Variants in RNF141 observed in about 807,000 individuals in gnomAD.
RNF141 encodes the protein C3HC4-like zinc finger protein.
Under a neutral mutation model 27.4 loss-of-function variants are expected in RNF141, and 18 were observed. The observed-to-expected ratio is 0.66, with a 90% CI of 0.45 to 0.97. The LOEUF (loss-of-function observed/expected upper bound fraction) is 0.97, where lower values mean the gene tolerates loss of function less well. RNF141 is among the 50% of genes least tolerant of loss of function. The probability of loss-of-function intolerance (pLI) is 0.00; values close to 1 mark genes in which losing one functional copy is unlikely to be tolerated. For missense variants in RNF141, 230 were observed against 279.4 expected (o/e 0.82, Z 1.26); for synonymous variants, 97 against 96.6 (o/e 1.00, Z -0.02).
rs757700012 is a variant in RNF141 at position 10,514,867 on chromosome 11, G to A, written c.*49C>T. On this transcript the variant is annotated 3_prime_UTR_variant, in exon 6 of 6. Coordinates refer to ENST00000265981, the MANE Select transcript of RNF141 (RefSeq NM_016422.4). ...CCACAACCCTACATTCTTCCCCCATGACCAAATATTTGAGCCCACAATAGC... is the reference window on the plus strand; with the variant it reads ...CCACAACCCTACATTCTTCCCCCATAACCAAATATTTGAGCCCACAATAGC... 1.3e-6 allele frequency: 2 copies of A among 1,552,768 alleles called. No individual in the cohort carries two copies. The highest frequency in any genetic ancestry group is 2.5e-5 in the South Asian group (2 of 81,002).
Position 10,537,781 on chromosome 11 carries a change from AG to A in RNF141, c.-48+3340del, listed in dbSNP as rs777947770. Among the ~76,000 whole-genome samples, 4 of 152,354 alleles carry A rather than the reference AG, an allele frequency of 2.6e-5. No individual in the cohort carries two copies. The East Asian group carries it at 7.7e-4, about 29-fold the overall frequency. ...GGGCTGGGCCAGTTAATCACAGAAA[AG>A]TGACTAGGAAGATAAGGGTTACTTT... is the stretch of plus-strand genomic sequence containing the variant. On this transcript the variant is annotated intron_variant, in intron 1 of 5. Coordinates refer to ENST00000265981, the MANE Select transcript of RNF141 (RefSeq NM_016422.4).
chr11:10,515,634 T>C (rs1849837387), intron 5 of RNF141: 1 of 152,224 alleles, frequency 6.6e-6, no homozygotes, highest in Non-Finnish European at 1.5e-5. Flanking sequence ...TATTCGTGAT[T>C]ATTTAAATGG....
rs377748773 is a variant in RNF141, at chr11:10,519,145, C to T, written c.435-4G>A. 10 of 1,611,820 alleles carry T rather than the reference C, an allele frequency of 6.2e-6. No homozygotes were observed. The highest frequency in any genetic ancestry group is 8.5e-6 in the Non-Finnish European group (10 of 1,178,360). On this transcript the variant is annotated splice_region_variant and splice_polypyrimidine_tract_variant and intron_variant, in intron 4 of 5. Coordinates refer to ENST00000265981, the MANE Select transcript of RNF141 (RefSeq NM_016422.4). ...CTCATCGGTCAGCTGCTTCACCCTG[C>T]AATGTGAAAACTGAGCTGAAACAAT... is the stretch of plus-strand genomic sequence containing the variant.
intron 1 of RNF141, among the ~76,000 whole-genome samples, chr11:10,538,743 G>A (rs1850059002): frequency 6.6e-6 from 1 of 152,114 alleles, no homozygotes; most frequent in Non-Finnish European, 1.5e-5. Context: ...ATTAGTACTA[G>A]GTTGGAGAGA....
intron 3 of RNF141, among the ~76,000 whole-genome samples, chr11:10,527,896 G>A (rs1445848974): frequency 1.3e-5 from 2 of 152,124 alleles, no homozygotes; most frequent in Admixed American, 1.3e-4. Flanking sequence ...ACATTTTGAT[G>A]TGACAGGACT....
intron 5 of RNF141, chr11:10,517,831 T>C (rs1157000497): frequency 6.6e-6 from 1 of 152,188 alleles, no homozygotes; most frequent in Non-Finnish European, 1.5e-5. Context: ...CTACCAGAAC[T>C]GATACATGAG....
chr11:10,535,265 T>C (rs1419373957), intron 1 of RNF141, among the ~76,000 whole-genome samples: 1 of 151,668 alleles, frequency 6.6e-6, no homozygotes, highest in African/African-American at 2.4e-5. Flanking sequence ...CCCCAAAATA[T>C]GTAAAATTTC....
chr11:10,514,772 G>A lies in RNF141; in HGVS notation c.*144C>T. 1 of 686,336 alleles carries A rather than the reference G, an allele frequency of 1.5e-6. No individual in the cohort carries two copies. Among genetic ancestry groups the A allele is most frequent in the South Asian group, 3.6e-5 (1 of 27,602 alleles). The allele number at this position is 686,336 out of a possible 1,614,324, so 42.5% of individuals were successfully genotyped here. A position where few individuals can be genotyped will look rare whatever the true frequency, so the allele number is the denominator to read the frequency against. Reference sequence around the variant, plus strand: ...GACATGGGAAGTTTATTTTTAAAAGGGGGACAAATGATCAGAATAGCAAAA... The same window carrying A: ...GACATGGGAAGTTTATTTTTAAAAGAGGGACAAATGATCAGAATAGCAAAA... On this transcript the variant is annotated 3_prime_UTR_variant, in exon 6 of 6. Coordinates refer to ENST00000265981, the MANE Select transcript of RNF141 (RefSeq NM_016422.4).
At chr11:10,540,171 G>GTTT (rs1850082774) in intron 1 of RNF141, among the ~76,000 whole-genome samples, 5 of 152,092 alleles carry the variant, frequency 3.3e-5, no homozygotes, top group African/African-American at 1.2e-4. Context: ...AATGGGTAGA[G>GTTT]GTCATTTTAT....
In RNF141 at chr11:10,530,659, C is replaced by G; in HGVS notation, c.236G>C (p.Arg79Pro). ...DSSAFWKVVV[R>P]VVCTKINKSS... ...CAGTCTCACCTTGGTACAGACCACC[C>G]GTACAACCACTTTCCAAAAAGCAGA... Residue 79 changes from arginine (R) to proline (P), a missense_variant, in exon 3 of 6, where the codon CGG becomes CCG. Transcript: ENST00000265981. 1 of 1,605,946 alleles carries G rather than the reference C, an allele frequency of 6.2e-7. No individual in the cohort carries two copies. Among genetic ancestry groups the G allele is most frequent in the South Asian group, 1.1e-5 (1 of 90,418 alleles).
rs1417463901 is a variant in RNF141, at chr11:10,511,686, C to T, written c.*3230G>A. Reference sequence around the variant, plus strand: ...TAAAAATGCAAATTCTTCAGACTACCTTTTAATAAACTCAACTTCCCAATG... The same window carrying T: ...TAAAAATGCAAATTCTTCAGACTACTTTTTAATAAACTCAACTTCCCAATG... On this transcript the variant is annotated 3_prime_UTR_variant, in exon 6 of 6. Coordinates refer to ENST00000265981, the MANE Select transcript of RNF141 (RefSeq NM_016422.4). The T allele has an allele frequency of 1.3e-5, 2 of 152,262 alleles. No individual in the cohort carries two copies. The highest frequency in any genetic ancestry group is 1.9e-4 in the East Asian group (1 of 5,184). The allele number at this position is 152,262 out of a possible 1,614,324, so 9.4% of individuals were successfully genotyped here. A position where few individuals can be genotyped will look rare whatever the true frequency, so the allele number is the denominator to read the frequency against.
intron 3 of RNF141, among the ~76,000 whole-genome samples, chr11:10,528,941 G>C (rs1277728757): frequency 6.6e-6 from 1 of 152,162 alleles, no homozygotes; most frequent in Non-Finnish European, 1.5e-5. Context: ...TGTGCTGTTG[G>C]AATCTGGAAG....
At position 10,534,225 on chromosome 11, in the gene RNF141, G is replaced by A. The variant is rs1200708013; in HGVS notation, c.-47-20C>T. 29 of 1,534,480 alleles carry A rather than the reference G, an allele frequency of 1.9e-5. No homozygotes were observed. The highest frequency in any genetic ancestry group is 1.6e-4 in the South Asian group (13 of 82,820). Reference sequence around the variant, plus strand: ...TAGTTTCTGTCAAATATACAGAAAAGTTACTTTTACATATTATACAAAAAC... The same window carrying A: ...TAGTTTCTGTCAAATATACAGAAAAATTACTTTTACATATTATACAAAAAC... On this transcript the variant is annotated intron_variant, in intron 1 of 5. Transcript: ENST00000265981.
intron 5 of RNF141, 157 bp from the exon 6 acceptor site, chr11:10,515,223 C>G: frequency 1.2e-6 from 1 of 822,414 alleles, no homozygotes; most frequent in East Asian, 2.8e-5. Context: ...CTTCAATTCT[C>G]TTTCCCAGGG....
At position 10,512,544 on chromosome 11, in the gene RNF141, T is replaced by G. The variant is rs1849809847; in HGVS notation, c.*2372A>C. On this transcript the variant is annotated 3_prime_UTR_variant, in exon 6 of 6. Coordinates refer to ENST00000265981, the MANE Select transcript of RNF141 (RefSeq NM_016422.4). Reference sequence around the variant, plus strand: ...GGCTATCCCTGGAAAGATCCAAAACTCTGTAAGGTAACTCTGTTCACTTTT... The same window carrying G: ...GGCTATCCCTGGAAAGATCCAAAACGCTGTAAGGTAACTCTGTTCACTTTT... The G allele has an allele frequency of 6.6e-6, 1 of 152,572 alleles. No individual in the cohort carries two copies. Among genetic ancestry groups the G allele is most frequent in the South Asian group, 2.1e-4 (1 of 4,828 alleles). The allele number at this position is 152,572 out of a possible 1,614,324, so 9.5% of individuals were successfully genotyped here.
At chr11:10,518,542 T>C (rs1434640291) in intron 5 of RNF141, 1 of 152,516 alleles carries the variant, frequency 6.6e-6, no homozygotes. Flanking sequence ...TTTATGGGTG[T>C]GTATATATGC....
chr11:10,512,783 G>A lies in RNF141; in HGVS notation c.*2133C>T, dbSNP rs1242025926. The A allele has an allele frequency of 3.3e-5, 5 of 151,970 alleles. No homozygotes were observed. The highest frequency in any genetic ancestry group is 2.1e-4 in the South Asian group (1 of 4,816). The allele number at this position is 151,970 out of a possible 1,614,324, so 9.4% of individuals were successfully genotyped here. Reference sequence around the variant, plus strand: ...ATTAAAAAATTTTTTTAAAAAAAACGACTCCCACTATATGTGTGTTACTCA... The same window carrying A: ...ATTAAAAAATTTTTTTAAAAAAAACAACTCCCACTATATGTGTGTTACTCA... On this transcript the variant is annotated 3_prime_UTR_variant, in exon 6 of 6. Transcript: ENST00000265981.
At chr11:10,518,710 A>C (rs1171600239) in intron 5 of RNF141, 4 of 196,822 alleles carry the variant, frequency 2.0e-5, no homozygotes, top group Non-Finnish European at 4.1e-5. Context: ...ATTCCTTCTA[A>C]ACACATACAC....
At position 10,533,993 on chromosome 11, in the gene RNF141, AAAAC is replaced by A; in HGVS notation, c.143+19_143+22del. Reference sequence around the variant, plus strand: ...ATACATACAACAAGGGGAAAAACGAAAAACAAAAAGAGCAAGCCTTACACATCAT... The same window carrying A: ...ATACATACAACAAGGGGAAAAACGAAAAAAAGAGCAAGCCTTACACATCAT... On this transcript the variant is annotated intron_variant, in intron 2 of 5. Transcript: ENST00000265981. The A allele has an allele frequency of 6.2e-7, 1 of 1,607,380 alleles. No individual in the cohort carries two copies. Among genetic ancestry groups the A allele is most frequent in the African/African-American group, 1.3e-5 (1 of 74,538 alleles).
Sources: gnomAD v4.1 joint callset for allele counts (sites outside exome capture counted in the v4.1 genomes callset) on GRCh38, gnomAD v4.1.1 for gene constraint, MANE v1.5 for transcripts, NCBI Gene and HGNC (gene_info 2026-07-23, HGNC 2026-07-21) for gene names.